The following GABRR2 variants were observed in gnomAD, a reference collection of about 807,000 sequenced individuals.
GABRR2 encodes gamma-aminobutyric acid receptor subunit rho-2.
In GABRR2, 36 loss-of-function variants were observed where a neutral mutation model predicts 47.0. That is an observed-to-expected ratio of 0.77 (90% CI 0.59 to 1.01). The LOEUF (loss-of-function observed/expected upper bound fraction) is 1.01, where lower values mean the gene tolerates loss of function less well. Among genes scored for constraint, GABRR2 ranks in the 50% least tolerant of loss-of-function variants. GABRR2 has a pLI of 0.00. For missense variants in GABRR2, 587 were observed against 594.6 expected, an observed-to-expected ratio of 0.99 and a Z score of 0.13; for synonymous variants, 204 against 227.5, an observed-to-expected ratio of 0.90 and a Z score of 0.93.
chr6:89,313,335 A>G (rs1767709367), intron 1 of GABRR2, among the ~76,000 whole-genome samples: 1 of 152,184 alleles, frequency 6.6e-6, no homozygotes, highest in Admixed American at 6.5e-5. Flanking sequence ...CACAGTGCCT[A>G]TTTGCATAAC....
chr6:89,280,247 T>TATATATATATAC (rs1271132149), intron 2 of GABRR2, among the ~76,000 whole-genome samples: 1,161 of 100,394 alleles, frequency 0.012, 7 homozygotes, highest in Admixed American at 0.019. Context: ...TATATATATA[T>TATATATATATAC]ATATATACAT....
chr6:89,299,817 C>A lies in GABRR2; in HGVS notation c.162G>T (p.Lys54Asn), dbSNP rs777673454. 4 of 1,613,984 alleles carry A rather than the reference C, an allele frequency of 2.5e-6. No individual in the cohort carries two copies. The East Asian group carries it at 8.9e-5, about 36-fold the overall frequency. Reference sequence around the variant, plus strand: ...CGTCCACTCTGAGAAGCTGCTGAGGCTTTCCCTTCCGGATCTTGGTCACAT... The same window carrying A: ...CGTCCACTCTGAGAAGCTGCTGAGGATTTCCCTTCCGGATCTTGGTCACAT... ...NLDVTKIRKG[K>N]PQQLLRVDEH... The change falls in exon 2 of 9, where the codon AAG becomes AAT. Residue 54 changes from lysine (K) to asparagine (N), a missense_variant. By Grantham distance (94) the Lys-to-Asn change is moderately conservative. Coordinates refer to ENST00000402938, the MANE Select transcript of GABRR2 (RefSeq NM_002043.5).
chr6:89,296,178 G>T (rs1774549999), intron 2 of GABRR2, among the ~76,000 whole-genome samples: 1 of 152,232 alleles, frequency 6.6e-6, no homozygotes, highest in Non-Finnish European at 1.5e-5. Context: ...AGTGAAATGG[G>T]GACACCCAGG....
At chr6:89,295,734 T>A (rs1406893310) in intron 2 of GABRR2, among the ~76,000 whole-genome samples, 10 of 151,900 alleles carry the variant, frequency 6.6e-5, no homozygotes, top group Non-Finnish European at 5.9e-5. Flanking sequence ...TTGCCTAGGT[T>A]TTCTTCTAGG....
chr6:89,285,488 G>A (rs568330491), intron 2 of GABRR2, among the ~76,000 whole-genome samples: 9 of 152,290 alleles, frequency 5.9e-5, no homozygotes, highest in African/African-American at 1.9e-4. Context: ...TGCGGGTGGG[G>A]AGTGGGTGAG....
chr6:89,264,709 G>T (rs1031657584), intron 7 of GABRR2, 101 bp from the exon 8 acceptor site: 28 of 1,423,944 alleles, frequency 2.0e-5, no homozygotes, highest in Non-Finnish European at 2.3e-5. Context: ...TAAACCACAT[G>T]AGAAAGTCCC....
Position 89,265,747 on chromosome 6 carries a change from T to A in GABRR2, c.755A>T (p.Tyr252Phe). The change falls in exon 7 of 9, where the codon TAC (tyrosine) becomes TTC (phenylalanine). Residue 252 changes from tyrosine (Y) to phenylalanine (F), a missense_variant. Physicochemically the swap from Tyr to Phe is conservative, Grantham distance 22. Transcript: ENST00000402938. ...GTGGCGACGCAACGTGAAGTTAATG[T>A]ACAGACGGTTGTACCAGCCTAGGGG... The part of the protein sequence containing the change: ...YSSTGWYNRL[Y>F]INFTLRRHIF... The A allele has an allele frequency of 6.2e-7, 1 of 1,614,072 alleles. No individual in the cohort carries two copies. Among genetic ancestry groups the A allele is most frequent in the South Asian group, 1.1e-5 (1 of 91,070 alleles).
chr6:89,308,385 CAT>C (rs2127850756), intron 1 of GABRR2, among the ~76,000 whole-genome samples: 1 of 152,258 alleles, frequency 6.6e-6, no homozygotes, highest in East Asian at 1.9e-4. Context: ...ACTAGCCACA[CAT>C]ATGTGTTCGA....
intron 1 of GABRR2, among the ~76,000 whole-genome samples, chr6:89,301,619 A>G (rs531318109): frequency 3.1e-4 from 47 of 152,050 alleles, no homozygotes; most frequent in Non-Finnish European, 5.4e-4. Context: ...AATCCCATTC[A>G]TGATTGCCAC....
chr6:89,279,342 C>A (rs375803057), intron 2 of GABRR2, among the ~76,000 whole-genome samples: 44 of 152,124 alleles, frequency 2.9e-4, no homozygotes, highest in African/African-American at 1.0e-3. Flanking sequence ...TCTGTGAACA[C>A]CCTGAAACTG....
chr6:89,262,784 A>T (rs1404097799), intron 8 of GABRR2, among the ~76,000 whole-genome samples: 3 of 152,216 alleles, frequency 2.0e-5, no homozygotes, highest in Non-Finnish European at 4.4e-5. Flanking sequence ...TGAGATTTTC[A>T]TGTCCCTTTA....
intron 1 of GABRR2, among the ~76,000 whole-genome samples, chr6:89,306,822 A>G (rs543172897): frequency 1.8e-4 from 27 of 152,258 alleles, no homozygotes; most frequent in Middle Eastern, 6.8e-3. Flanking sequence ...GGAAAGAGAA[A>G]AAAAGAAAAA....
rs1773579701 is a variant in GABRR2 at position 89,255,298 on chromosome 6, C to G, written c.*2372G>C. 6.6e-6 allele frequency among the ~76,000 whole-genome samples: 1 copy of G among 152,032 alleles called. No homozygotes were observed. The highest frequency in any genetic ancestry group is 1.5e-5 in the Non-Finnish European group (1 of 68,000). ...CTAAAAAATACAAAAGTTAGCCAGG[C>G]ATGGTGGCGCATGCCTGTAATCCCA... On this transcript the variant is annotated 3_prime_UTR_variant, in exon 9 of 9. Transcript: ENST00000402938.
chr6:89,269,355 A>C, intron 3 of GABRR2, 121 bp from the exon 4 acceptor site: 2 of 754,628 alleles, frequency 2.7e-6, no homozygotes, highest in Non-Finnish European at 4.6e-6. Context: ...CAGAGGTAAC[A>C]GTTCTGCAGC....
At chr6:89,267,943 T>C in intron 5 of GABRR2, 71 bp downstream of exon 5, 1 of 1,577,116 alleles carries the variant, frequency 6.3e-7, no homozygotes, top group Admixed American at 1.7e-5. Flanking sequence ...GTGCTCAGTC[T>C]CATGATTACT....
intron 1 of GABRR2, chr6:89,302,879 G>T: frequency 1.6e-6 from 2 of 1,227,286 alleles, no homozygotes; most frequent in Non-Finnish European, 1.2e-6. Flanking sequence ...GCAACAGCAC[G>T]GGCATCCAGG....
At chr6:89,282,522 C>T (rs994350738) in intron 2 of GABRR2, among the ~76,000 whole-genome samples, 1 of 152,238 alleles carries the variant, frequency 6.6e-6, no homozygotes, top group Non-Finnish European at 1.5e-5. Context: ...GATGAAGACA[C>T]ATTGCTTCAA....
chr6:89,277,328 C>A (rs1362931022), intron 2 of GABRR2, among the ~76,000 whole-genome samples: 1 of 152,216 alleles, frequency 6.6e-6, no homozygotes, highest in Non-Finnish European at 1.5e-5. Flanking sequence ...CCAAGCCGTG[C>A]TGAACTGTGA....
At chr6:89,261,059 C>T (rs1462597158) in intron 8 of GABRR2, among the ~76,000 whole-genome samples, 1 of 152,174 alleles carries the variant, frequency 6.6e-6, no homozygotes, top group Non-Finnish European at 1.5e-5. Context: ...TAGATGACTT[C>T]CTTGTCTCTT....
Sources: gnomAD v4.1 joint callset for allele counts (sites outside exome capture counted in the v4.1 genomes callset) on GRCh38, gnomAD v4.1.1 for gene constraint, MANE v1.5 for transcripts, NCBI Gene and HGNC (gene_info 2026-07-23, HGNC 2026-07-21) for gene names.